Variants in RPH3AL observed in about 807,000 individuals in gnomAD.
RPH3AL encodes rabphilin 3A like (without C2 domains).
A neutral mutation model predicts 43.1 loss-of-function variants in RPH3AL; 38 were observed. That is an observed-to-expected ratio of 0.88 (90% CI 0.68 to 1.15). RPH3AL has a LOEUF of 1.15. Ranked by LOEUF, RPH3AL falls within the 50% of genes most tolerant of loss-of-function variation. The pLI, the probability that RPH3AL is intolerant of heterozygous loss-of-function variation, is 0.00. For missense variants in RPH3AL, 462 were observed against 423.2 expected, an observed-to-expected ratio of 1.09 and a Z score of -0.81; for synonymous variants, 189 against 176.3, an observed-to-expected ratio of 1.07 and a Z score of -0.57.
intron 5 of RPH3AL, among the ~76,000 whole-genome samples, chr17:308,134 G>A (rs924662959): frequency 1.3e-5 from 2 of 152,226 alleles, no homozygotes; most frequent in African/African-American, 2.4e-5. Flanking sequence ...TCTGAATTAG[G>A]TCAAGAGGAG....
intron 5 of RPH3AL, among the ~76,000 whole-genome samples, chr17:299,387 G>C (rs2043264899): frequency 6.8e-6 from 1 of 146,534 alleles, no homozygotes; most frequent in Non-Finnish European, 1.5e-5. Flanking sequence ...ACAAAGGTAA[G>C]AGGAGAGTCT....
chr17:238,069 G>A (rs1266151604), intron 7 of RPH3AL, among the ~76,000 whole-genome samples: 1 of 152,018 alleles, frequency 6.6e-6, no homozygotes, highest in Admixed American at 6.6e-5. Flanking sequence ...AGTCCGGGAA[G>A]TCGTGTGCAG....
intron 7 of RPH3AL, among the ~76,000 whole-genome samples, chr17:224,699 G>C (rs975175640): frequency 6.6e-6 from 1 of 152,104 alleles, no homozygotes; most frequent in Admixed American, 6.5e-5. Flanking sequence ...CAATAGCAAA[G>C]ACTTGGAACC....
At chr17:243,733 A>AC (rs2041656929) in intron 7 of RPH3AL, among the ~76,000 whole-genome samples, 1 of 127,680 alleles carries the variant, frequency 7.8e-6, no homozygotes, top group East Asian at 2.7e-4. Flanking sequence ...TCCTCTATTG[A>AC]TTACCTTCCT....
In RPH3AL at chr17:323,477, C is replaced by T. The variant is rs547408868; in HGVS notation, c.78-2062G>A. 6.6e-6 allele frequency among the ~76,000 whole-genome samples: 1 copy of T among 152,152 alleles called. No individual in the cohort carries two copies. The highest frequency in any genetic ancestry group is 1.5e-5 in the Non-Finnish European group (1 of 67,988). Reference sequence around the variant, plus strand: ...AGCAATATCCCCTCCACAACCCCTACCTACTGGTTTGTTCCATCTGAGCAT... The same window carrying T: ...AGCAATATCCCCTCCACAACCCCTATCTACTGGTTTGTTCCATCTGAGCAT... On this transcript the variant is annotated intron_variant, in intron 3 of 9. Coordinates refer to ENST00000331302, the MANE Select transcript of RPH3AL (RefSeq NM_006987.4). The surrounding 1 kb of genome is among the most constrained non-coding windows in gnomAD (Gnocchi z 4.4).
At chr17:319,615 C>A in intron 4 of RPH3AL, 66 bp from the exon 5 acceptor site, 1 of 1,579,308 alleles carries the variant, frequency 6.3e-7, no homozygotes, top group Non-Finnish European at 8.6e-7. Flanking sequence ...CACTGAGGCC[C>A]GAAACCGTAC....
chr17:334,490 C>A (rs4991963), intron 1 of RPH3AL, among the ~76,000 whole-genome samples: 1 of 142,704 alleles, frequency 7.0e-6, no homozygotes, highest in African/African-American at 2.7e-5. Flanking sequence ...CCATCCACTG[C>A]GGAGGGACAG....
intron 5 of RPH3AL, among the ~76,000 whole-genome samples, chr17:314,702 A>T (rs2043838185): frequency 7.5e-6 from 1 of 133,038 alleles, no homozygotes; most frequent in Non-Finnish European, 1.6e-5. Context: ...ATTGACCTGT[A>T]GTCTCTGTGC....
intron 6 of RPH3AL, among the ~76,000 whole-genome samples, chr17:278,660 TC>T (rs2042713483): frequency 6.6e-6 from 1 of 152,072 alleles, no homozygotes; most frequent in Non-Finnish European, 1.5e-5. Context: ...CAGCACCCCT[TC>T]TCCCTTTGCC....
chr17:266,178 A>G (rs1220239496), intron 6 of RPH3AL, among the ~76,000 whole-genome samples: 1 of 152,080 alleles, frequency 6.6e-6, no homozygotes, highest in Non-Finnish European at 1.5e-5. Flanking sequence ...TTGTGTTTTA[A>G]AAGATGACAC....
rs1167324077 is a variant in RPH3AL, at chr17:328,944, G to C, written c.-36-1365C>G. On this transcript the variant is annotated intron_variant, in intron 2 of 9. Coordinates refer to ENST00000331302, the MANE Select transcript of RPH3AL (RefSeq NM_006987.4). The surrounding 1 kb of genome is among the most constrained non-coding windows in gnomAD (Gnocchi z 4.2). The stretch of plus-strand genomic sequence containing the variant: ...TGTCCAGAATAAGCAAATCTAGAGA[G>C]ACGGAAGGTGAGGAGTGGTTGTCAG... 6.6e-6 allele frequency among the ~76,000 whole-genome samples: 1 copy of C among 152,186 alleles called. No individual in the cohort carries two copies. The highest frequency in any genetic ancestry group is 2.4e-5 in the African/African-American group (1 of 41,432).
rs1036449296 is a variant in RPH3AL at position 323,263 on chromosome 17, A to T, written c.78-1848T>A. Reference sequence around the variant, plus strand: ...CTACACTGCCGGTTTTTCCAATTTAAAAAAAAAAAAACTGCAATGCCCTAG... The same window carrying T: ...CTACACTGCCGGTTTTTCCAATTTATAAAAAAAAAAACTGCAATGCCCTAG... On this transcript the variant is annotated intron_variant, in intron 3 of 9. Transcript: ENST00000331302. The surrounding 1 kb of genome is among the most constrained non-coding windows in gnomAD (Gnocchi z 4.4). Among the ~76,000 whole-genome samples, 4 of 109,790 alleles carry T rather than the reference A, an allele frequency of 3.6e-5. No individual in the cohort carries two copies. The highest frequency in any genetic ancestry group is 1.6e-4 in the African/African-American group (3 of 18,908). The allele number at this position is 109,790 out of a possible 152,430, so 72.0% of individuals were successfully genotyped here. A position where few individuals can be genotyped will look rare whatever the true frequency, so the allele number is the denominator to read the frequency against.
rs2044681302 is a variant in RPH3AL, at chr17:328,903, T to C, written c.-36-1324A>G. On this transcript the variant is annotated intron_variant, in intron 2 of 9. Transcript: ENST00000331302. The surrounding 1 kb of genome is among the most constrained non-coding windows in gnomAD (Gnocchi z 4.2). ...TCATAAAAGACCACGTATTGTATGATTCCGTTTATACAGTGTGTCCAGAAT... is the reference window on the plus strand; with the variant it reads ...TCATAAAAGACCACGTATTGTATGACTCCGTTTATACAGTGTGTCCAGAAT... 6.6e-6 allele frequency among the ~76,000 whole-genome samples: 1 copy of C among 152,230 alleles called. No homozygotes were observed. Among genetic ancestry groups the C allele is most frequent in the Non-Finnish European group, 1.5e-5 (1 of 68,042 alleles).
intron 1 of RPH3AL, chr17:341,573 T>C (rs1014202448): frequency 1.3e-5 from 2 of 152,148 alleles, no homozygotes; most frequent in Non-Finnish European, 2.9e-5. Flanking sequence ...GGGTAAATTT[T>C]CATGACTTCA....
chr17:247,246 G>A lies in RPH3AL; in HGVS notation c.478C>T (p.Pro160Ser), dbSNP rs1261323797. Residue 160 changes from proline to serine, a missense_variant, in exon 7 of 10, where the codon CCC becomes TCC. Physicochemically the swap from Pro to Ser is moderately conservative, Grantham distance 74. Coordinates refer to ENST00000331302, the MANE Select transcript of RPH3AL (RefSeq NM_006987.4). ...GTCTTCAGGGGCAAGATATACTTGG[G>A]GAGCCCTTTGTAGAACCAGGCCCCC... ...RSGAWFYKGL[P>S]KYILPLKTPG... The A allele has an allele frequency of 6.2e-7, 1 of 1,607,490 alleles. No individual in the cohort carries two copies. The highest frequency in any genetic ancestry group is 2.2e-5 in the East Asian group (1 of 44,768).
At chr17:285,865 A>AC (rs2042894523) in intron 5 of RPH3AL, among the ~76,000 whole-genome samples, 1 of 150,176 alleles carries the variant, frequency 6.7e-6, no homozygotes. Context: ...CTCTATCTCC[A>AC]CCCCCATCCC....
chr17:268,949 G>T (rs1255574241), intron 6 of RPH3AL, among the ~76,000 whole-genome samples: 1 of 152,050 alleles, frequency 6.6e-6, no homozygotes, highest in African/African-American at 2.4e-5. Flanking sequence ...CGCGATCTCG[G>T]CTCACCGCAA....
intron 5 of RPH3AL, among the ~76,000 whole-genome samples, chr17:316,598 G>GA (rs2044214801): frequency 9.2e-6 from 1 of 109,076 alleles, no homozygotes; most frequent in African/African-American, 3.9e-5. Flanking sequence ...TAGTCCCTGT[G>GA]CTCCACTTCC....
intron 3 of RPH3AL, among the ~76,000 whole-genome samples, chr17:327,255 C>T (rs1452286355): frequency 6.6e-6 from 1 of 152,220 alleles, no homozygotes; most frequent in Non-Finnish European, 1.5e-5. Context: ...AGCTCAGCCT[C>T]ACTTTGCTCA....
Sources: gnomAD v4.1 joint callset for allele counts (sites outside exome capture counted in the v4.1 genomes callset) on GRCh38, gnomAD v4.1.1 for gene constraint, Gnocchi (gnomAD v3.1) non-coding constraint, MANE v1.5 for transcripts, NCBI Gene and HGNC (gene_info 2026-07-23, HGNC 2026-07-21) for gene names.